COG3: variants seen among roughly 807,000 people sequenced by gnomAD.
COG3 encodes component of oligomeric golgi complex 3.
A neutral mutation model predicts 114.1 loss-of-function variants in COG3; 32 were observed. The ratio of observed to expected loss-of-function variants is 0.28; its 90% confidence interval spans 0.21 to 0.38. The LOEUF is 0.38. Ranked by LOEUF, COG3 falls within the 10% of genes least tolerant of loss-of-function variation. The probability of loss-of-function intolerance (pLI) is 1.00; values close to 1 mark genes in which losing one functional copy is unlikely to be tolerated. For missense variants in COG3, 813 were observed against 973.2 expected (o/e 0.84, Z 2.19); for synonymous variants, 352 against 365.7 (o/e 0.96, Z 0.43).
In COG3 at chr13:45,492,264, G is replaced by A. The variant is rs963418391; in HGVS notation, c.1187+14G>A. On this transcript the variant is annotated intron_variant, in intron 11 of 22. Transcript: ENST00000349995. ...ATCAAAATTAGAGTAGGTGGACATG[G>A]AATCTAACTCTTGTTCATAAAATTT... The A allele has an allele frequency of 5.5e-6, 8 of 1,466,692 alleles. No individual in the cohort carries two copies. Among genetic ancestry groups the A allele is most frequent in the African/African-American group, 1.4e-5 (1 of 71,528 alleles). 90.9% of individuals were successfully genotyped at this position (1,466,692 alleles called of 1,614,324 possible).
At chr13:45,506,072 CT>C (rs67541063) in intron 14 of COG3, among the ~76,000 whole-genome samples, 131,452 of 151,948 alleles carry the variant, frequency 0.87, 57,025 homozygotes, top group Admixed American at 0.91. Context: ...AACTTTTCTA[CT>C]TTTTTAAAAT....
chr13:45,493,517 A>G (rs200645982), intron 12 of COG3, 31 bp downstream of exon 12: 8 of 1,586,944 alleles, frequency 5.0e-6, no homozygotes, highest in Middle Eastern at 1.7e-4. Context: ...ATTTTAAGTT[A>G]TATCACTGGC....
Position 45,502,091 on chromosome 13 carries a change from C to T in COG3, c.1489-1153C>T, listed in dbSNP as rs550266733. Among the ~76,000 whole-genome samples the T allele has an allele frequency of 7.2e-5, 11 of 152,144 alleles. 1 individual carries two copies. The South Asian group carries it at 1.2e-3, about 17-fold the overall frequency. On this transcript the variant is annotated intron_variant, in intron 13 of 22. Transcript: ENST00000349995. ...ATTATCTTTATGTGTCTTGGTATTG[C>T]GGATAACAACAGGGAGCAGATGGGT...
chr13:45,494,461 T>C (rs150518383), intron 12 of COG3, among the ~76,000 whole-genome samples: 22 of 152,324 alleles, frequency 1.4e-4, no homozygotes, highest in African/African-American at 5.1e-4. Flanking sequence ...TCATTCATTT[T>C]CTCACATTTT....
intron 17 of COG3, among the ~76,000 whole-genome samples, chr13:45,516,936 A>T (rs547377699): frequency 6.6e-6 from 1 of 152,254 alleles, no homozygotes; most frequent in East Asian, 1.9e-4. Context: ...AGGGTCTTTG[A>T]GTTGGTAATA....
intron 20 of COG3, among the ~76,000 whole-genome samples, chr13:45,526,675 G>T (rs990473396): frequency 6.6e-6 from 1 of 152,146 alleles, no homozygotes; most frequent in African/African-American, 2.4e-5. Flanking sequence ...TTAAACGTTC[G>T]TTGTGAAATA....
rs1887053373 is a variant in COG3, at chr13:45,492,072, C to T, written c.1096-87C>T. 1.4e-5 allele frequency: 11 copies of T among 790,154 alleles called. No homozygotes were observed. The South Asian group carries it at 1.6e-4, about 12-fold the overall frequency. 48.9% of individuals were successfully genotyped at this position (790,154 alleles called of 1,614,324 possible). ...TTTTAAGAGTGTGTATGTGTTATCT[C>T]TGCACATAAAGTGTAGGCTTTATTT... is the stretch of plus-strand genomic sequence containing the variant. On this transcript the variant is annotated intron_variant, in intron 10 of 22. Coordinates refer to ENST00000349995, the MANE Select transcript of COG3 (RefSeq NM_031431.4).
At chr13:45,476,491 G>T in intron 2 of COG3, 144 bp downstream of exon 2, 1 of 805,848 alleles carries the variant, frequency 1.2e-6, no homozygotes. Flanking sequence ...TTTTGCATTA[G>T]TTGTGGCTGT....
intron 14 of COG3, among the ~76,000 whole-genome samples, chr13:45,508,047 T>TG (rs1449830302): frequency 9.3e-6 from 1 of 107,528 alleles, no homozygotes; most frequent in African/African-American, 3.8e-5. Context: ...CCAGCCTAGG[T>TG]GACAGAGCCT....
intron 17 of COG3, among the ~76,000 whole-genome samples, chr13:45,517,200 C>G (rs951605338): frequency 5.3e-5 from 8 of 152,156 alleles, no homozygotes; most frequent in Non-Finnish European, 5.9e-5. Flanking sequence ...GTTAACTTCT[C>G]TCTAATGTTT....
At chr13:45,518,054 G>A (rs1003864290) in intron 17 of COG3, among the ~76,000 whole-genome samples, 2 of 152,180 alleles carry the variant, frequency 1.3e-5, no homozygotes, top group South Asian at 2.1e-4. Context: ...TAGAGAGAGG[G>A]TCTTCTTCAT....
intron 13 of COG3, among the ~76,000 whole-genome samples, chr13:45,500,461 G>T (rs949754848): frequency 2.0e-5 from 3 of 152,300 alleles, no homozygotes; most frequent in African/African-American, 7.2e-5. Flanking sequence ...AAAGTTGTCA[G>T]ATGTGGCTCA....
In COG3 at chr13:45,509,788, G is replaced by A. The variant is rs554816331; in HGVS notation, c.1691G>A (p.Cys564Tyr). Residue 564 changes from cysteine to tyrosine, a missense_variant, in exon 15 of 23, where the codon TGT becomes TAT. Cys to Tyr is a radical substitution (Grantham distance 194). Coordinates refer to ENST00000349995, the MANE Select transcript of COG3 (RefSeq NM_031431.4). ...WYPTVRRTLVCLSKLYRCIDR... is the reference protein window; with the variant it reads ...WYPTVRRTLVYLSKLYRCIDR... ...CCTACGGTTCGAAGAACTCTTGTCTGTCTCTCCAAATTATACAGATGCATA... is the reference window on the plus strand; with the variant it reads ...CCTACGGTTCGAAGAACTCTTGTCTATCTCTCCAAATTATACAGATGCATA... 3 of 1,613,570 alleles carry A rather than the reference G, an allele frequency of 1.9e-6. No individual in the cohort carries two copies. Among genetic ancestry groups the A allele is most frequent in the Non-Finnish European group, 2.5e-6 (3 of 1,179,676 alleles).
chr13:45,513,340 A>G (rs2137889127), intron 16 of COG3, among the ~76,000 whole-genome samples: 1 of 135,456 alleles, frequency 7.4e-6, no homozygotes, highest in South Asian at 2.2e-4. Flanking sequence ...ATATATACAT[A>G]TAAATTATAT....
chr13:45,466,118 A>T (rs1433221778), intron 1 of COG3, among the ~76,000 whole-genome samples: 1 of 151,850 alleles, frequency 6.6e-6, no homozygotes, highest in Non-Finnish European at 1.5e-5. Context: ...GCTCACTGCA[A>T]CCTCCACCTC....
chr13:45,479,618 A>T (rs1011491276), intron 3 of COG3, among the ~76,000 whole-genome samples: 1 of 152,152 alleles, frequency 6.6e-6, no homozygotes, highest in Admixed American at 6.5e-5. Flanking sequence ...GTGAGGAAGG[A>T]TATTACTATT....
At chr13:45,522,806 G>C (rs970304947) in intron 19 of COG3, among the ~76,000 whole-genome samples, 4 of 152,138 alleles carry the variant, frequency 2.6e-5, no homozygotes, top group Admixed American at 6.5e-5. Context: ...AAAAAGTGTT[G>C]ATACTTTTTT....
In COG3 at chr13:45,503,458, C is replaced by A. The variant is rs1360767819; in HGVS notation, c.1594+109C>A. Reference sequence around the variant, plus strand: ...AAAAACAACTTGTGCCTTTGAGGAGCCCACACTTTATGGGGGGAGATTGCC... The same window carrying A: ...AAAAACAACTTGTGCCTTTGAGGAGACCACACTTTATGGGGGGAGATTGCC... On this transcript the variant is annotated intron_variant, in intron 14 of 22. Coordinates refer to ENST00000349995, the MANE Select transcript of COG3 (RefSeq NM_031431.4). 4.8e-6 allele frequency: 3 copies of A among 630,032 alleles called. No individual in the cohort carries two copies. In the African/African-American group the frequency reaches 5.6e-5, roughly 12 times the overall value. 39.0% of individuals were successfully genotyped at this position (630,032 alleles called of 1,614,324 possible).
intron 12 of COG3, among the ~76,000 whole-genome samples, chr13:45,494,451 T>C (rs981262038): frequency 5.3e-5 from 8 of 152,156 alleles, no homozygotes; most frequent in Non-Finnish European, 8.8e-5. Flanking sequence ...TGCATTTAAC[T>C]CATTCATTTT....
Sources: allele counts gnomAD v4.1 joint callset (sites outside exome capture counted in the v4.1 genomes callset), GRCh38; gene constraint gnomAD v4.1.1; transcripts MANE v1.5; gene names NCBI Gene and HGNC (gene_info 2026-07-23, HGNC 2026-07-21).